BRSK2: variants seen among roughly 807,000 people sequenced by gnomAD.
BRSK2 encodes the protein serine/threonine-protein kinase BRSK2.
Under a neutral mutation model 83.3 loss-of-function variants are expected in BRSK2, and 19 were observed. The ratio of observed to expected loss-of-function variants is 0.23; its 90% CI spans 0.16 to 0.33. The LOEUF is 0.33. Ranked by LOEUF, BRSK2 falls within the 10% of genes least tolerant of loss-of-function variation. BRSK2 has a pLI of 1.00. For synonymous variants in BRSK2, 519 were observed against 435.4 expected, an observed-to-expected ratio of 1.19 and a Z score of -2.39; for missense variants, 798 against 1,042.3, an observed-to-expected ratio of 0.77 and a Z score of 3.23.
intron 15 of BRSK2, among the ~76,000 whole-genome samples, chr11:1,451,669 C>T (rs1442852415): frequency 2.0e-5 from 3 of 152,190 alleles, no homozygotes; most frequent in African/African-American, 7.2e-5. Context: ...CTAGGGTTGG[C>T]TGGAGGCGAG....
intron 1 of BRSK2, among the ~76,000 whole-genome samples, chr11:1,418,446 T>C (rs571001900): frequency 2.0e-5 from 3 of 148,158 alleles, no homozygotes; most frequent in African/African-American, 7.5e-5. Flanking sequence ...GTCCTGCTTC[T>C]GTTGGCTGTT....
Position 1,445,396 on chromosome 11 carries a change from C to T in BRSK2, c.915C>T (p.Ser305=). The change falls in exon 10 of 20, where the codon AGC becomes AGT. Residue 305 remains serine (S), a synonymous_variant. Coordinates refer to ENST00000528841, the MANE Select transcript of BRSK2 (RefSeq NM_001256627.2). ...LEDIDPDVLD[S]MHSLGCFRDR... The stretch of plus-strand genomic sequence containing the variant: ...ACATCGACCCCGACGTGCTGGACAG[C>T]ATGCACTCACTGGGCTGCTTCCGAG... The T allele has an allele frequency of 6.2e-7, 1 of 1,612,030 alleles. No individual in the cohort carries two copies. Among genetic ancestry groups the T allele is most frequent in the Non-Finnish European group, 8.5e-7 (1 of 1,179,686 alleles).
chr11:1,456,108 G>T (rs2133258355), intron 16 of BRSK2, among the ~76,000 whole-genome samples: 1 of 152,314 alleles, frequency 6.6e-6, no homozygotes, highest in Admixed American at 6.5e-5. Flanking sequence ...CCTGAGAAAA[G>T]CCCGGCAGGG....
intron 1 of BRSK2, among the ~76,000 whole-genome samples, chr11:1,413,340 A>AG (rs1409657007): frequency 6.7e-6 from 1 of 149,750 alleles, no homozygotes; most frequent in Non-Finnish European, 1.5e-5. Context: ...AGCCCCTTGC[A>AG]GGGGCCACGG....
rs955217126 is a variant in BRSK2 at position 1,438,523 on chromosome 11, C to T, written c.272+132C>T. 1 of 776,272 alleles carries T rather than the reference C, an allele frequency of 1.3e-6. No individual in the cohort carries two copies. Among genetic ancestry groups the T allele is most frequent in the Admixed American group, 2.4e-5 (1 of 41,120 alleles). The allele number at this position is 776,272 out of a possible 1,614,324, so 48.1% of individuals were successfully genotyped here. A position where few individuals can be genotyped will look rare whatever the true frequency, so the allele number is the denominator to read the frequency against. The stretch of plus-strand genomic sequence containing the variant: ...CCTGCTGCATCCCAGCAGCCCTGGC[C>T]CTGCTAGCATGAACACCTGCCTGGG... On this transcript the variant is annotated intron_variant, in intron 3 of 19. Transcript: ENST00000528841. The surrounding 1 kb of genome is among the most constrained non-coding windows in gnomAD (Gnocchi z 6.4).
intron 4 of BRSK2, among the ~76,000 whole-genome samples, chr11:1,442,070 C>T (rs1006164362): frequency 1.4e-5 from 2 of 148,106 alleles, no homozygotes; most frequent in South Asian, 4.4e-4. Context: ...CCCTGCACCT[C>T]CCCTTTCCCG....
Position 1,450,613 on chromosome 11 carries a change from C to T in BRSK2, c.1314C>T (p.Gly438=), listed in dbSNP as rs374832566. ...TGACCCCTCACCCCTCACCAAGGGGCAGTCCCCTCCCCACCCCCAAGGGGA... is the reference window on the plus strand; with the variant it reads ...TGACCCCTCACCCCTCACCAAGGGGTAGTCCCCTCCCCACCCCCAAGGGGA... ...PRVTPHPSPR[G]SPLPTPKGTP... is the part of the protein sequence containing the mutation. Residue 438 remains glycine, a synonymous_variant, in exon 14 of 20, where the codon GGC becomes GGT. Transcript: ENST00000528841. 16 of 1,592,196 alleles carry T rather than the reference C, an allele frequency of 1.0e-5. No homozygotes were observed. In the Admixed American group the frequency reaches 1.6e-4, roughly 16 times the overall value.
In BRSK2 at chr11:1,444,996, G is replaced by A. The variant is rs772063451; in HGVS notation, c.806G>A (p.Trp269Ter). The change falls in exon 9 of 20, where the codon TGG becomes TAG. Residue 269 changes from tryptophan (W) to a stop codon, truncating the protein, a stop_gained. Transcript: ENST00000528841. LOFTEE classifies it high-confidence loss of function. ...LTLEHIQKHI[W>*]YIGGKNEPEP... ...CTAGAGCACATTCAGAAACACATAT[G>A]GTATATGTAAGTAGCTTTTCCACCC... The A allele has an allele frequency of 6.2e-7, 1 of 1,612,874 alleles. No homozygotes were observed. The highest frequency in any genetic ancestry group is 1.7e-5 in the Admixed American group (1 of 60,016).
intron 3 of BRSK2, 76 bp from the exon 4 acceptor site, chr11:1,440,712 G>A (rs1228371225): frequency 6.7e-6 from 10 of 1,499,624 alleles, no homozygotes; most frequent in East Asian, 5.0e-5. Flanking sequence ...CCAGGAGGCG[G>A]CTGTGGGAGG....
At chr11:1,425,872 TG>T (rs1238876909) in intron 1 of BRSK2, among the ~76,000 whole-genome samples, 2 of 151,626 alleles carry the variant, frequency 1.3e-5, no homozygotes, top group Non-Finnish European at 1.5e-5. Flanking sequence ...GGGGAGGGCG[TG>T]GGGGGAACGC....
At position 1,440,782 on chromosome 11, in the gene BRSK2, C is replaced by G. The variant is rs760178018; in HGVS notation, c.273-6C>G. On this transcript the variant is annotated splice_polypyrimidine_tract_variant and splice_region_variant and intron_variant, in intron 3 of 19. Transcript: ENST00000528841. ...CTGGGCGCACTGGTGGCCCCGTCTC[C>G]TGCAGGTACCTGGTGCTAGAACACG... The G allele has an allele frequency of 1.3e-6, 2 of 1,562,476 alleles. No homozygotes were observed. The highest frequency in any genetic ancestry group is 1.7e-6 in the Non-Finnish European group (2 of 1,153,150).
At chr11:1,456,797 T>G (rs1213763303) in intron 18 of BRSK2, 110 bp downstream of exon 18, 1 of 1,330,274 alleles carries the variant, frequency 7.5e-7, no homozygotes, top group African/African-American at 1.5e-5. Context: ...CTGGCCCCTC[T>G]TGACGGACGC....
At chr11:1,418,332 G>T (rs1848314457) in intron 1 of BRSK2, among the ~76,000 whole-genome samples, 2 of 138,326 alleles carry the variant, frequency 1.4e-5, no homozygotes, top group Non-Finnish European at 1.5e-5. Context: ...TTGAGAGTGG[G>T]TCACCTGTGT....
chr11:1,412,784 A>G (rs374388637), intron 1 of BRSK2, among the ~76,000 whole-genome samples: 1 of 149,562 alleles, frequency 6.7e-6, no homozygotes, highest in East Asian at 1.9e-4. Flanking sequence ...CTGGCTGCAC[A>G]GATCAACCCA....
In BRSK2 at chr11:1,445,679, A is replaced by G. The variant is rs762381157; in HGVS notation, c.1075+11A>G. The G allele has an allele frequency of 3.7e-6, 6 of 1,609,632 alleles. No individual in the cohort carries two copies. Among genetic ancestry groups the G allele is most frequent in the South Asian group, 1.1e-5 (1 of 90,694 alleles). On this transcript the variant is annotated intron_variant, in intron 11 of 19. Transcript: ENST00000528841. ...CCCGGAACGAGATAGGTATGGGTCC[A>G]GGGGTGGCCTCCAGCCCGGCCTGCA...
intron 12 of BRSK2, among the ~76,000 whole-genome samples, chr11:1,447,156 G>A (rs1852257557): frequency 6.6e-6 from 1 of 152,106 alleles, no homozygotes; most frequent in East Asian, 1.9e-4. Context: ...AGTCAGCGCA[G>A]CCCTGACGCC....
chr11:1,393,312 A>G (rs1350265555), intron 1 of BRSK2, among the ~76,000 whole-genome samples: 1 of 152,104 alleles, frequency 6.6e-6, no homozygotes, highest in African/African-American at 2.4e-5. Flanking sequence ...ACCTCGGCTT[A>G]GCTCCTGAAA....
At chr11:1,426,511 G>A (rs954864291) in intron 1 of BRSK2, among the ~76,000 whole-genome samples, 1 of 152,156 alleles carries the variant, frequency 6.6e-6, no homozygotes, top group Non-Finnish European at 1.5e-5. Context: ...TCTCGGTCTC[G>A]AGCCTGGGTC....
At chr11:1,394,999 C>A (rs191983389) in intron 1 of BRSK2, among the ~76,000 whole-genome samples, 2 of 149,416 alleles carry the variant, frequency 1.3e-5, no homozygotes, top group African/African-American at 4.9e-5. Context: ...TGGAGATGGG[C>A]CCCTGGAGAT....
Sources: allele counts gnomAD v4.1 joint callset (sites outside exome capture counted in the v4.1 genomes callset), GRCh38; gene constraint gnomAD v4.1.1; non-coding constraint Gnocchi (gnomAD v3.1); transcripts MANE v1.5; gene names NCBI Gene and HGNC (gene_info 2026-07-23, HGNC 2026-07-21).